The following PGCKA1 variants were observed in gnomAD, a reference collection of about 807,000 sequenced individuals.
PGCKA1 encodes PDCD10 and GCKIII kinases-associated protein 1.
chr4:37,574,985 C>A, the PGCKA1 span, among the ~76,000 whole-genome samples: 1 of 148,474 alleles, frequency 6.7e-6, no homozygotes, highest in Non-Finnish European at 1.5e-5. Context: ...TGTGAGAACT[C>A]TATACCACAT....
the PGCKA1 span, among the ~76,000 whole-genome samples, chr4:37,477,188 C>T: frequency 2.0e-5 from 3 of 152,108 alleles, no homozygotes; most frequent in South Asian, 2.1e-4. Flanking sequence ...GTGATACATC[C>T]ATAGAGTAGA....
the PGCKA1 span, among the ~76,000 whole-genome samples, chr4:37,547,371 G>C: frequency 0.47 from 71,948 of 152,024 alleles, 17,442 homozygotes; most frequent in East Asian, 0.56. Flanking sequence ...CCCTTTTTAA[G>C]TGTTTTTTGT....
chr4:37,497,066 T>A, the PGCKA1 span, among the ~76,000 whole-genome samples: 1 of 152,196 alleles, frequency 6.6e-6, no homozygotes, highest in African/African-American at 2.4e-5. Context: ...ACAAATATTA[T>A]CTTTTATCCC....
At chr4:37,454,488 A>C in the PGCKA1 span, among the ~76,000 whole-genome samples, 1 of 152,174 alleles carries the variant, frequency 6.6e-6, no homozygotes. Flanking sequence ...AGGAAATGGA[A>C]TGTGACCTCT....
At chr4:37,496,380 T>G in the PGCKA1 span, among the ~76,000 whole-genome samples, 6 of 152,346 alleles carry the variant, frequency 3.9e-5, no homozygotes, top group African/African-American at 4.8e-5. Flanking sequence ...CATTGCATGT[T>G]TTTGTCAGCT....
chr4:37,547,273 C>T, the PGCKA1 span, among the ~76,000 whole-genome samples: 1 of 152,190 alleles, frequency 6.6e-6, no homozygotes, highest in Non-Finnish European at 1.5e-5. Flanking sequence ...ACTTAGATTG[C>T]TTGATACTTT....
the PGCKA1 span, among the ~76,000 whole-genome samples, chr4:37,584,860 C>T: frequency 6.6e-6 from 1 of 152,008 alleles, no homozygotes; most frequent in Non-Finnish European, 1.5e-5. Flanking sequence ...TTCCCCTGTA[C>T]ACCTCTTGAA....
the PGCKA1 span, among the ~76,000 whole-genome samples, chr4:37,564,614 C>A: frequency 1.3e-5 from 2 of 152,068 alleles, no homozygotes; most frequent in Non-Finnish European, 2.9e-5. Context: ...TCAAGTGATT[C>A]TCCTGCCTCA....
chr4:37,564,503 T>TTTCA, the PGCKA1 span, among the ~76,000 whole-genome samples: 1 of 46,286 alleles, frequency 2.2e-5, no homozygotes, highest in African/African-American at 4.9e-5. Flanking sequence ...TGTCTGACTT[T>TTTCA]TTTATTTATT....
At chr4:37,460,281 A>T in the PGCKA1 span, among the ~76,000 whole-genome samples, 1 of 152,210 alleles carries the variant, frequency 6.6e-6, no homozygotes, top group Non-Finnish European at 1.5e-5. Context: ...TATTGTGAAT[A>T]GTGCCGCAAT....
At chr4:37,529,658 C>T in the PGCKA1 span, among the ~76,000 whole-genome samples, 11 of 152,258 alleles carry the variant, frequency 7.2e-5, no homozygotes, top group East Asian at 7.7e-4. Context: ...TACTCTATTC[C>T]GGAGGGGAAA....
chr4:37,545,658 A>G, the PGCKA1 span, among the ~76,000 whole-genome samples: 1 of 152,090 alleles, frequency 6.6e-6, no homozygotes, highest in Non-Finnish European at 1.5e-5. Context: ...CTTTGTTTCA[A>G]TGGGAGGTAG....
chr4:37,522,914 C>T, the PGCKA1 span, among the ~76,000 whole-genome samples: 1 of 152,012 alleles, frequency 6.6e-6, no homozygotes, highest in African/African-American at 2.4e-5. Context: ...AGGAAAGGGT[C>T]TGTTTTGGAG....
the PGCKA1 span, among the ~76,000 whole-genome samples, chr4:37,583,533 T>G: frequency 6.6e-6 from 1 of 151,948 alleles, no homozygotes. Flanking sequence ...GCCTCCCAGG[T>G]TCACGCCATT....
chr4:37,581,799 C>G, the PGCKA1 span, among the ~76,000 whole-genome samples: 1,996 of 152,296 alleles, frequency 0.013, 107 homozygotes, highest in South Asian at 0.13. The surrounding 1 kb of genome is among the most constrained non-coding windows in gnomAD (Gnocchi z 4.4). Context: ...GGCCCCAGCA[C>G]AGTACTGATA....
At chr4:37,522,383 G>A in the PGCKA1 span, among the ~76,000 whole-genome samples, 1 of 152,214 alleles carries the variant, frequency 6.6e-6, no homozygotes, top group Admixed American at 6.5e-5. Context: ...AAAGAATACT[G>A]CCAGACTACC....
chr4:37,548,008 A>T, the PGCKA1 span, among the ~76,000 whole-genome samples: 3 of 135,118 alleles, frequency 2.2e-5, no homozygotes, highest in African/African-American at 7.5e-5. Flanking sequence ...CTTCAAAAAA[A>T]AAAGGAAAAA....
the PGCKA1 span, among the ~76,000 whole-genome samples, chr4:37,556,413 AC>A: frequency 1.3e-5 from 2 of 151,434 alleles, no homozygotes; most frequent in Admixed American, 1.3e-4. Context: ...GATTACAGGC[AC>A]CTGCCACCAC....
the PGCKA1 span, among the ~76,000 whole-genome samples, chr4:37,477,823 T>C: frequency 1.3e-5 from 2 of 152,180 alleles, no homozygotes; most frequent in African/African-American, 2.4e-5. Flanking sequence ...TTTTTTCTAA[T>C]TCTAAAATAT....
Sources: allele counts gnomAD v4.1 joint callset (sites outside exome capture counted in the v4.1 genomes callset), GRCh38; gene constraint gnomAD v4.1.1; non-coding constraint Gnocchi (gnomAD v3.1); transcripts MANE v1.5; gene names NCBI Gene and HGNC (gene_info 2026-07-23, HGNC 2026-07-21).